PIK3CB: variants seen among roughly 807,000 people sequenced by gnomAD.
The protein encoded by PIK3CB is phosphatidylinositol 4,5-bisphosphate 3-kinase catalytic subunit beta isoform.
Under a neutral mutation model 136.8 loss-of-function variants are expected in PIK3CB, and 39 were observed. That is an observed-to-expected ratio of 0.29 (90% CI 0.22 to 0.37). PIK3CB has a LOEUF of 0.37. Ranked by LOEUF, PIK3CB falls within the 10% of genes least tolerant of loss-of-function variation. The pLI, the probability that PIK3CB is intolerant of heterozygous loss-of-function variation, is 1.00. For missense variants in PIK3CB, 868 were observed against 1,275.4 expected (o/e 0.68, Z 4.87); for synonymous variants, 428 against 436.6 (o/e 0.98, Z 0.25).
chr3:138,790,829 A>G (rs1466082744), intron 2 of PIK3CB, among the ~76,000 whole-genome samples: 1 of 149,454 alleles, frequency 6.7e-6, no homozygotes, highest in African/African-American at 2.5e-5. Flanking sequence ...AAAAAAAAAA[A>G]GAAAAAACCC....
intron 6 of PIK3CB, among the ~76,000 whole-genome samples, chr3:138,736,150 G>A (rs2045098961): frequency 6.6e-6 from 1 of 152,166 alleles, no homozygotes; most frequent in South Asian, 2.1e-4. Context: ...GGCAGAACAT[G>A]AAGAAAAGTC....
chr3:138,773,756 C>G (rs2045826889), intron 2 of PIK3CB, among the ~76,000 whole-genome samples: 1 of 152,254 alleles, frequency 6.6e-6, no homozygotes, highest in South Asian at 2.1e-4. Context: ...CTAACATCAA[C>G]AAGATAAGTT....
chr3:138,704,191 C>T (rs955631333), intron 12 of PIK3CB, among the ~76,000 whole-genome samples: 3 of 152,086 alleles, frequency 2.0e-5, no homozygotes, highest in Non-Finnish European at 2.9e-5. Flanking sequence ...CTATGAGGTG[C>T]CACAGAATCC....
chr3:138,746,389 G>A (rs1007013880), intron 4 of PIK3CB, among the ~76,000 whole-genome samples: 19 of 152,046 alleles, frequency 1.2e-4, no homozygotes, highest in Non-Finnish European at 1.8e-4. Flanking sequence ...GGCCGGGCAC[G>A]GTGGCTCACG....
Position 138,704,275 on chromosome 3 carries a change from T to C in PIK3CB, c.1581+168A>G, listed in dbSNP as rs558130468. Among the ~76,000 whole-genome samples, 7 of 152,316 alleles carry C rather than the reference T, an allele frequency of 4.6e-5. No homozygotes were observed. In the South Asian group the frequency reaches 6.2e-4, roughly 14 times the overall value. ...CCACTGAACCCAGATCACCCACAAA[T>C]TGGGCTGCCATTTAACAAAACACTA... is the stretch of plus-strand genomic sequence containing the variant. On this transcript the variant is annotated intron_variant, in intron 12 of 23. Coordinates refer to ENST00000674063, the MANE Select transcript of PIK3CB (RefSeq NM_006219.3).
At chr3:138,784,335 T>C (rs986045562) in intron 2 of PIK3CB, among the ~76,000 whole-genome samples, 25 of 152,096 alleles carry the variant, frequency 1.6e-4, no homozygotes, top group Admixed American at 9.8e-4. Context: ...TGAGCTAAGA[T>C]CACGCCACTG....
Position 138,655,305 on chromosome 3 carries a change from T to C in PIK3CB, c.*84A>G. ...GATTTCATTCCCTTTATAACATCTC[T>C]AACAGGGTCATGTTCAATTTAGTGC... On this transcript the variant is annotated 3_prime_UTR_variant, in exon 24 of 24. Coordinates refer to ENST00000674063, the MANE Select transcript of PIK3CB (RefSeq NM_006219.3). The C allele has an allele frequency of 2.2e-6, 3 of 1,353,548 alleles. No individual in the cohort carries two copies. The highest frequency in any genetic ancestry group is 2.5e-5 in the South Asian group (2 of 81,346). The allele number at this position is 1,353,548 out of a possible 1,614,324, so 83.8% of individuals were successfully genotyped here.
At chr3:138,687,975 G>A (rs2043928638) in intron 16 of PIK3CB, among the ~76,000 whole-genome samples, 2 of 152,112 alleles carry the variant, frequency 1.3e-5, no homozygotes, top group African/African-American at 2.4e-5. Flanking sequence ...TAATAATATT[G>A]ATTCCATGTT....
intron 11 of PIK3CB, among the ~76,000 whole-genome samples, chr3:138,706,440 C>T (rs563277093): frequency 1.8e-4 from 28 of 152,226 alleles, no homozygotes; most frequent in African/African-American, 6.3e-4. Flanking sequence ...CATTAGGAAG[C>T]GCCACTAACA....
intron 8 of PIK3CB, among the ~76,000 whole-genome samples, chr3:138,724,984 G>A (rs2044806479): frequency 6.6e-6 from 1 of 151,954 alleles, no homozygotes; most frequent in African/African-American, 2.4e-5. Flanking sequence ...ACTGAAAGAA[G>A]ATAAAAAGAG....
At chr3:138,816,532 T>G (rs2108887372) in intron 1 of PIK3CB, among the ~76,000 whole-genome samples, 1 of 151,954 alleles carries the variant, frequency 6.6e-6, no homozygotes, top group South Asian at 2.1e-4. Context: ...AGGCCAGAGG[T>G]TGCAGTGAGC....
chr3:138,711,989 G>T (rs1415362707), intron 10 of PIK3CB, among the ~76,000 whole-genome samples: 3 of 151,240 alleles, frequency 2.0e-5, no homozygotes, highest in Non-Finnish European at 2.9e-5. Flanking sequence ...AATATAGGCC[G>T]ATTTTAAACC....
intron 1 of PIK3CB, among the ~76,000 whole-genome samples, chr3:138,821,139 G>A (rs1441303058): frequency 6.6e-6 from 1 of 151,954 alleles, no homozygotes; most frequent in East Asian, 2.0e-4. Context: ...ATAAAAATTA[G>A]CTGGGCGTGG....
chr3:138,662,446 CT>C (rs547019691), intron 21 of PIK3CB, among the ~76,000 whole-genome samples: 1 of 151,046 alleles, frequency 6.6e-6, no homozygotes. Context: ...TGAACTCATC[CT>C]TTTTTATGGC....
At chr3:138,738,529 TAAG>T (rs1321839614) in intron 5 of PIK3CB, among the ~76,000 whole-genome samples, 1 of 149,782 alleles carries the variant, frequency 6.7e-6, no homozygotes, top group Non-Finnish European at 1.5e-5. Flanking sequence ...TTCTCACTGG[TAAG>T]AAGACAGCCA....
rs554178429 is a variant in PIK3CB at position 138,656,299 on chromosome 3, T to G, written c.2943-25A>C. ...CCTTTGGGTGATGCAGCAAACCACATGAGCACAGTGTTAGAGGGGAGAGAG... is the reference window on the plus strand; with the variant it reads ...CCTTTGGGTGATGCAGCAAACCACAGGAGCACAGTGTTAGAGGGGAGAGAG... On this transcript the variant is annotated intron_variant, in intron 22 of 23. Transcript: ENST00000674063. The G allele has an allele frequency of 1.4e-4, 227 of 1,613,546 alleles. 4 individuals are homozygous for G. The South Asian group carries it at 2.4e-3, about 17-fold the overall frequency.
chr3:138,748,153 TCATACACA>T (rs1005914584), intron 4 of PIK3CB, among the ~76,000 whole-genome samples: 26 of 73,452 alleles, frequency 3.5e-4, no homozygotes, highest in Non-Finnish European at 1.9e-4. Flanking sequence ...TTATTAGAAA[TCATACACA>T]CACACACACA....
intron 21 of PIK3CB, among the ~76,000 whole-genome samples, chr3:138,661,374 G>C (rs1000754645): frequency 6.6e-6 from 1 of 152,038 alleles, no homozygotes; most frequent in Non-Finnish European, 1.5e-5. Flanking sequence ...TGGGACTTGC[G>C]TACCCCTTTA....
At chr3:138,687,228 CAAAA>C (rs11288177) in intron 16 of PIK3CB, among the ~76,000 whole-genome samples, 5 of 142,400 alleles carry the variant, frequency 3.5e-5, no homozygotes, top group Admixed American at 6.9e-5. Context: ...ATTCATCAAT[CAAAA>C]AAAAAAAAAA....
Sources: allele counts gnomAD v4.1 joint callset (sites outside exome capture counted in the v4.1 genomes callset), GRCh38; gene constraint gnomAD v4.1.1; transcripts MANE v1.5; gene names NCBI Gene and HGNC (gene_info 2026-07-23, HGNC 2026-07-21).